The following SAMMSON variants were observed in gnomAD, a reference collection of about 807,000 sequenced individuals.
SAMMSON encodes the protein long intergenic non-protein coding RNA 1212.
intron 9 of SAMMSON, among the ~76,000 whole-genome samples, chr3:70,374,389 A>C (rs2106747759): frequency 6.6e-6 from 1 of 152,280 alleles, no homozygotes; most frequent in Middle Eastern, 3.4e-3. Context: ...AGTCGTCTTT[A>C]AACCTTCTTT....
At position 70,142,612 on chromosome 3, in the gene SAMMSON, C is replaced by T. The variant is rs567477784; in HGVS notation, n.507+71047C>T. ...GTATACTGCTCGGGTGATGGGTGCA[C>T]GAAAATCTCACAAATCACCACCAAA... On this transcript the variant is annotated intron_variant and non_coding_transcript_variant, in intron 4 of 9. Transcript: ENST00000642114. 3.3e-5 allele frequency among the ~76,000 whole-genome samples: 5 copies of T among 151,842 alleles called. 1 individual carries two copies. Among genetic ancestry groups the T allele is most frequent in the South Asian group, 4.2e-4 (2 of 4,808 alleles).
intron 7 of SAMMSON, among the ~76,000 whole-genome samples, chr3:70,337,687 T>C (rs941182646): frequency 2.6e-5 from 4 of 151,978 alleles, no homozygotes; most frequent in Non-Finnish European, 4.4e-5. Context: ...CTAACTTAAA[T>C]AATAATAGAG....
intron 7 of SAMMSON, among the ~76,000 whole-genome samples, chr3:70,314,898 G>C (rs2106713299): frequency 6.6e-6 from 1 of 152,062 alleles, no homozygotes; most frequent in Admixed American, 6.6e-5. Context: ...TTATATACTT[G>C]TATCCTTATG....
chr3:70,064,173 A>G (rs894581719), intron 3 of SAMMSON, among the ~76,000 whole-genome samples: 2 of 152,158 alleles, frequency 1.3e-5, no homozygotes, highest in African/African-American at 2.4e-5. Flanking sequence ...GAGACTGTGA[A>G]TGAAGCACAA....
At chr3:70,266,927 T>C (rs1228275438) in intron 6 of SAMMSON, among the ~76,000 whole-genome samples, 1 of 152,160 alleles carries the variant, frequency 6.6e-6, no homozygotes, top group Non-Finnish European at 1.5e-5. Context: ...GGCAATGGGA[T>C]TAGATTATTG....
intron 4 of SAMMSON, among the ~76,000 whole-genome samples, chr3:70,085,851 C>T (rs1301911961): frequency 1.3e-5 from 2 of 152,142 alleles, no homozygotes; most frequent in African/African-American, 2.4e-5. Flanking sequence ...AACAAGTTCT[C>T]TTGCAGTGAG....
intron 7 of SAMMSON, among the ~76,000 whole-genome samples, chr3:70,335,872 C>G (rs1044530049): frequency 6.6e-6 from 1 of 151,840 alleles, no homozygotes; most frequent in Non-Finnish European, 1.5e-5. Context: ...TAATCTTTCC[C>G]ATTATGCTGT....
rs955576 is a variant in SAMMSON at position 70,067,550 on chromosome 3, C to T, written n.418-3926C>T. 3.6e-3 allele frequency among the ~76,000 whole-genome samples: 543 copies of T among 152,158 alleles called. 1 individual carries two copies. Among genetic ancestry groups the T allele is most frequent in the African/African-American group, 0.012 (487 of 41,548 alleles). The stretch of plus-strand genomic sequence containing the variant: ...GGGTTGTCTGGATAAAACCCAAATA[C>T]ATTCACTTTTAGGGAAACACATTTC... On this transcript the variant is annotated intron_variant and non_coding_transcript_variant, in intron 3 of 9. Transcript: ENST00000642114.
intron 4 of SAMMSON, among the ~76,000 whole-genome samples, chr3:70,124,200 A>G (rs975149667): frequency 6.6e-6 from 1 of 152,198 alleles, no homozygotes; most frequent in Non-Finnish European, 1.5e-5. Context: ...CACAGCAGAG[A>G]GCCTACCTCA....
intron 4 of SAMMSON, among the ~76,000 whole-genome samples, chr3:70,199,818 T>C (rs1701220372): frequency 6.6e-6 from 1 of 152,212 alleles, no homozygotes; most frequent in Admixed American, 6.5e-5. Context: ...ATCCCAGGAT[T>C]CGCACCCCTT....
intron 7 of SAMMSON, among the ~76,000 whole-genome samples, chr3:70,315,944 T>C (rs188308202): frequency 6.6e-6 from 1 of 152,250 alleles, no homozygotes; most frequent in African/African-American, 2.4e-5. Flanking sequence ...ATGAACTAAA[T>C]AATTAATAAC....
At chr3:70,311,835 A>G in intron 7 of SAMMSON, 1 of 396,838 alleles carries the variant, frequency 2.5e-6, no homozygotes. Context: ...TTGCTTATAA[A>G]CAAAAGCAAA....
intron 4 of SAMMSON, among the ~76,000 whole-genome samples, chr3:70,078,693 A>G (rs1279115062): frequency 1.3e-5 from 2 of 152,174 alleles, no homozygotes; most frequent in Admixed American, 1.3e-4. Flanking sequence ...ATACCCCTGC[A>G]AATCTGGTTC....
At chr3:70,049,828 CT>C in intron 3 of SAMMSON, among the ~76,000 whole-genome samples, 1 of 152,010 alleles carries the variant, frequency 6.6e-6, no homozygotes. Context: ...TCCCTGTGAT[CT>C]CATAGAAATA....
chr3:70,071,394 C>T (rs947842323), intron 3 of SAMMSON: 2 of 151,950 alleles, frequency 1.3e-5, no homozygotes, highest in African/African-American at 2.4e-5. Flanking sequence ...TCTGCATATG[C>T]GTATACACTA....
chr3:70,376,321 A>C (rs2106748991), intron 9 of SAMMSON, among the ~76,000 whole-genome samples: 1 of 152,308 alleles, frequency 6.6e-6, no homozygotes, highest in Middle Eastern at 3.4e-3. Context: ...AGTGTTTTCA[A>C]AATTTCCACT....
At chr3:70,092,591 A>G (rs1482358767) in intron 4 of SAMMSON, among the ~76,000 whole-genome samples, 1 of 151,776 alleles carries the variant, frequency 6.6e-6, no homozygotes, top group Non-Finnish European at 1.5e-5. Flanking sequence ...CTTTCCTCCC[A>G]CCCAAAGAAG....
intron 4 of SAMMSON, chr3:70,125,499 T>C (rs1051099632): frequency 2.7e-6 from 2 of 728,556 alleles, no homozygotes; most frequent in Non-Finnish European, 4.8e-6. Context: ...ATCTCTTCTG[T>C]GATGTTCAAA....
chr3:70,079,027 G>A (rs971780729), intron 4 of SAMMSON, among the ~76,000 whole-genome samples: 6 of 152,198 alleles, frequency 3.9e-5, no homozygotes, highest in African/African-American at 1.4e-4. Flanking sequence ...ATCTATGGCT[G>A]CTTTTGCACT....
Sources: gnomAD v4.1 joint callset for allele counts (sites outside exome capture counted in the v4.1 genomes callset) on GRCh38, gnomAD v4.1.1 for gene constraint, MANE v1.5 for transcripts, NCBI Gene and HGNC (gene_info 2026-07-23, HGNC 2026-07-21) for gene names.